Variants in ASAP1 observed in about 807,000 individuals in gnomAD.
The protein encoded by ASAP1 is ArfGAP with SH3 domain, ankyrin repeat and PH domain 1, also known as arf-GAP with SH3 domain, ANK repeat and PH domain-containing protein 1.
ASAP1 carries 43 observed loss-of-function variants against 145.2 expected under a neutral mutation model. The observed-to-expected ratio is 0.30, with a 90% CI of 0.23 to 0.38. The LOEUF (loss-of-function observed/expected upper bound fraction) is 0.38. Ranked by LOEUF, ASAP1 falls within the 10% of genes least tolerant of loss-of-function variation. The probability of loss-of-function intolerance (pLI) is 1.00; values close to 1 mark genes in which losing one functional copy is unlikely to be tolerated. For missense variants in ASAP1, 1,018 were observed against 1,355.3 expected (o/e 0.75, Z 3.91); for synonymous variants, 546 against 515.5 (o/e 1.06, Z -0.80).
At chr8:130,407,858 A>G (rs1418110622) in intron 1 of ASAP1, among the ~76,000 whole-genome samples, 1 of 152,186 alleles carries the variant, frequency 6.6e-6, no homozygotes, top group Non-Finnish European at 1.5e-5. Flanking sequence ...TTTATAGAGG[A>G]TGTTATAAAC....
intron 3 of ASAP1, chr8:130,340,755 T>G (rs1281821845): frequency 2.7e-6 from 1 of 373,500 alleles, no homozygotes; most frequent in East Asian, 7.3e-5. Context: ...TCCTGTGAAA[T>G]GGAGAAACTC....
intron 29 of ASAP1, 69 bp from the exon 30 acceptor site, chr8:130,054,874 T>C: frequency 7.8e-7 from 1 of 1,275,482 alleles, no homozygotes; most frequent in Admixed American, 1.7e-5. Context: ...ACCCAGTGGG[T>C]AAGAGCCCAG....
intron 20 of ASAP1, among the ~76,000 whole-genome samples, chr8:130,117,521 C>A (rs1018682775): frequency 2.0e-5 from 3 of 152,150 alleles, no homozygotes; most frequent in African/African-American, 7.2e-5. Flanking sequence ...CTATTTTGAT[C>A]TTCTTCTTTA....
rs2097549068 is a variant in ASAP1 at position 130,112,903 on chromosome 8, G to A, written c.2173-581C>T. 3.3e-5 allele frequency among the ~76,000 whole-genome samples: 5 copies of A among 152,172 alleles called. No homozygotes were observed. In the South Asian group the frequency reaches 1.0e-3, roughly 32 times the overall value. Reference sequence around the variant, plus strand: ...TTTGCGCTTGTGGTGATGGCATTAGGATCCACTCAACTGCCCAGGTTAGAA... The same window carrying A: ...TTTGCGCTTGTGGTGATGGCATTAGAATCCACTCAACTGCCCAGGTTAGAA... On this transcript the variant is annotated intron_variant, in intron 23 of 29. Transcript: ENST00000518721.
intron 2 of ASAP1, among the ~76,000 whole-genome samples, chr8:130,387,629 C>T (rs1395254225): frequency 1.3e-5 from 2 of 149,420 alleles, no homozygotes; most frequent in Non-Finnish European, 3.0e-5. Flanking sequence ...TACACTCCAG[C>T]CTGGATGACA....
chr8:130,406,678 T>A (rs1829045798), intron 1 of ASAP1, among the ~76,000 whole-genome samples: 1 of 152,076 alleles, frequency 6.6e-6, no homozygotes, highest in Non-Finnish European at 1.5e-5. Context: ...TGATGGGGTT[T>A]CATCATGTTG....
intron 9 of ASAP1, among the ~76,000 whole-genome samples, chr8:130,176,716 G>A (rs1198613537): frequency 1.3e-5 from 2 of 149,284 alleles, no homozygotes; most frequent in Non-Finnish European, 3.0e-5. Context: ...TTGAGACAGA[G>A]TTTTGCTCTT....
At chr8:130,309,713 TA>T (rs1015054501) in intron 3 of ASAP1, among the ~76,000 whole-genome samples, 9 of 152,288 alleles carry the variant, frequency 5.9e-5, no homozygotes, top group Admixed American at 3.9e-4. Context: ...CATTCATGGC[TA>T]GGGGAAAATG....
chr8:130,060,667 G>A lies in ASAP1; in HGVS notation c.3104C>T (p.Ala1035Val), dbSNP rs1564913877. The part of the protein sequence containing the change: ...DLSPNVQSRD[A>V]IQKQASEDSN... ...GTCTTCAGATGCTTGCTTTTGGATGGCGTCTCTGGACTGCACATTTGGGGA... is the reference window on the plus strand; with the variant it reads ...GTCTTCAGATGCTTGCTTTTGGATGACGTCTCTGGACTGCACATTTGGGGA... The change falls in exon 28 of 30, where the codon GCC becomes GTC. Residue 1035 changes from alanine to valine, a missense_variant. By Grantham distance (64) the Ala-to-Val change is moderately conservative. Around this residue, in one of 9 missense-constraint regions of ASAP1, gnomAD observed 139 missense variants for 131.0 expected, o/e 1.06. Coordinates refer to ENST00000518721, the MANE Select transcript of ASAP1 (RefSeq NM_018482.4). 3.1e-6 allele frequency: 5 copies of A among 1,614,062 alleles called. No individual in the cohort carries two copies. In the East Asian group the frequency reaches 8.9e-5, roughly 29 times the overall value.
chr8:130,133,914 G>A (rs1301030379), intron 15 of ASAP1, among the ~76,000 whole-genome samples: 2 of 152,222 alleles, frequency 1.3e-5, no homozygotes, highest in African/African-American at 4.8e-5. Flanking sequence ...GGCCCCTCCT[G>A]AGGGCAAGGG....
chr8:130,234,678 T>C (rs1818106993), intron 4 of ASAP1, among the ~76,000 whole-genome samples: 1 of 151,418 alleles, frequency 6.6e-6, no homozygotes, highest in Non-Finnish European at 1.5e-5. Context: ...AGGGGGAACA[T>C]TTGGAAAAGA....
At chr8:130,357,282 C>T (rs972997383) in intron 3 of ASAP1, among the ~76,000 whole-genome samples, 2 of 152,124 alleles carry the variant, frequency 1.3e-5, no homozygotes, top group Non-Finnish European at 2.9e-5. Context: ...CCTCCCTTCT[C>T]CGTGTCTGGT....
intron 3 of ASAP1, among the ~76,000 whole-genome samples, chr8:130,285,703 A>T (rs939617759): frequency 1.3e-5 from 2 of 152,182 alleles, no homozygotes; most frequent in Non-Finnish European, 2.9e-5. Context: ...ATTTAGCTGG[A>T]ATAAGGCTGT....
intron 7 of ASAP1, among the ~76,000 whole-genome samples, chr8:130,184,189 C>T (rs1216149878): frequency 3.9e-5 from 6 of 152,096 alleles, no homozygotes. Flanking sequence ...AATGCTTATA[C>T]CTATAAAAAT....
intron 13 of ASAP1, among the ~76,000 whole-genome samples, chr8:130,149,359 T>A (rs1427500106): frequency 2.6e-5 from 4 of 151,670 alleles, no homozygotes; most frequent in Non-Finnish European, 5.9e-5. Flanking sequence ...GTAAAAGAAT[T>A]TTTTTTGTTT....
At chr8:130,252,972 A>G (rs7832651) in intron 3 of ASAP1, among the ~76,000 whole-genome samples, 63,898 of 151,892 alleles carry the variant, frequency 0.42, 13,762 homozygotes, top group East Asian at 0.66. Context: ...GGAAACCACC[A>G]AGCCTTTTAG....
chr8:130,366,407 G>C (rs1165607050), intron 2 of ASAP1, among the ~76,000 whole-genome samples: 1 of 152,118 alleles, frequency 6.6e-6, no homozygotes, highest in Non-Finnish European at 1.5e-5. Flanking sequence ...GCAGAGTGTA[G>C]GTCAAATTTC....
chr8:130,391,053 G>A (rs1828262019), intron 2 of ASAP1, among the ~76,000 whole-genome samples: 1 of 151,700 alleles, frequency 6.6e-6, no homozygotes, highest in African/African-American at 2.4e-5. Context: ...ACGGATGACT[G>A]GATAAACAAA....
intron 25 of ASAP1, among the ~76,000 whole-genome samples, chr8:130,086,274 A>G (rs1185673781): frequency 6.6e-6 from 1 of 152,236 alleles, no homozygotes; most frequent in East Asian, 1.9e-4. Context: ...GAAACAGTGT[A>G]AATCACTTAA....
Sources: allele counts gnomAD v4.1 joint callset (sites outside exome capture counted in the v4.1 genomes callset), GRCh38; gene constraint gnomAD v4.1.1; regional missense constraint gnomAD v4.1.1; transcripts MANE v1.5; gene names NCBI Gene and HGNC (gene_info 2026-07-23, HGNC 2026-07-21).